OPCML: variants seen among roughly 807,000 people sequenced by gnomAD.
OPCML encodes opioid-binding protein/cell adhesion molecule.
A neutral mutation model predicts 37.8 loss-of-function variants in OPCML; 13 were observed. That is an observed-to-expected ratio of 0.34 (90% confidence interval 0.22 to 0.55). OPCML has a LOEUF of 0.55. OPCML is among the 20% of genes least tolerant of loss of function. The pLI, the probability that OPCML is intolerant of heterozygous loss-of-function variation, is 0.91. For synonymous variants in OPCML, 176 were observed against 168.8 expected, an observed-to-expected ratio of 1.04 and a Z score of -0.33; for missense variants, 341 against 435.6, an observed-to-expected ratio of 0.78 and a Z score of 1.93.
intron 1 of OPCML, among the ~76,000 whole-genome samples, chr11:132,971,789 C>T (rs935342216): frequency 6.6e-6 from 1 of 152,136 alleles, no homozygotes; most frequent in Non-Finnish European, 1.5e-5. Context: ...CTCCCGCCTC[C>T]AAACCACACC....
intron 1 of OPCML, among the ~76,000 whole-genome samples, chr11:133,336,153 G>T (rs1943739286): frequency 6.6e-6 from 1 of 152,188 alleles, no homozygotes; most frequent in African/African-American, 2.4e-5. Context: ...ATGTAAAAAA[G>T]TGAAGGCCGC....
intron 2 of OPCML, among the ~76,000 whole-genome samples, chr11:132,771,404 T>C (rs1045005798): frequency 2.6e-5 from 4 of 152,108 alleles, no homozygotes; most frequent in Non-Finnish European, 5.9e-5. Context: ...ATAAATCAAT[T>C]AGCCGATTAT....
At chr11:132,915,691 T>A (rs921889874) in intron 2 of OPCML, among the ~76,000 whole-genome samples, 1 of 152,226 alleles carries the variant, frequency 6.6e-6, no homozygotes, top group African/African-American at 2.4e-5. Context: ...TAATTTGTAT[T>A]TAGTGCTTTA....
chr11:132,892,667 T>A (rs1394592860), intron 2 of OPCML, among the ~76,000 whole-genome samples: 1 of 152,152 alleles, frequency 6.6e-6, no homozygotes, highest in African/African-American at 2.4e-5. Context: ...CTCGGGAGGC[T>A]GAGGCAAGAG....
intron 4 of OPCML, among the ~76,000 whole-genome samples, chr11:132,439,472 G>A (rs2096024615): frequency 6.6e-6 from 1 of 152,304 alleles, no homozygotes; most frequent in African/African-American, 2.4e-5. Flanking sequence ...ATCCAGGCTA[G>A]TTCATACACT....
intron 1 of OPCML, among the ~76,000 whole-genome samples, chr11:133,454,783 A>G (rs970186338): frequency 6.6e-6 from 1 of 152,200 alleles, no homozygotes. Flanking sequence ...ACATTCATTT[A>G]TCTTTACTGG....
chr11:133,243,447 T>C (rs1565525743), intron 1 of OPCML, among the ~76,000 whole-genome samples: 1 of 152,162 alleles, frequency 6.6e-6, no homozygotes, highest in Non-Finnish European at 1.5e-5. Flanking sequence ...GTGAGAACCA[T>C]TTATTCTTCC....
At chr11:133,375,128 C>G (rs7933867) in intron 1 of OPCML, among the ~76,000 whole-genome samples, 37,660 of 152,156 alleles carry the variant, frequency 0.25, 6,730 homozygotes, top group African/African-American at 0.51. Flanking sequence ...TGCTCCCCAC[C>G]GCATGATCCA....
chr11:132,483,882 G>T (rs1258261231), intron 4 of OPCML, among the ~76,000 whole-genome samples: 1 of 151,796 alleles, frequency 6.6e-6, no homozygotes, highest in Non-Finnish European at 1.5e-5. Context: ...AGCTGAAACT[G>T]GATCCCTTCC....
chr11:132,665,958 T>A (rs1406889478), intron 2 of OPCML, among the ~76,000 whole-genome samples: 3 of 152,164 alleles, frequency 2.0e-5, no homozygotes, highest in Admixed American at 1.3e-4. Flanking sequence ...TTAACAAATA[T>A]TTAGTAAGCA....
At chr11:132,747,742 T>C (rs187598823) in intron 2 of OPCML, among the ~76,000 whole-genome samples, 26 of 152,248 alleles carry the variant, frequency 1.7e-4, no homozygotes, top group Non-Finnish European at 2.8e-4. Context: ...TCAACCTAAA[T>C]AAGAAAGAGT....
chr11:132,930,082 G>A (rs1945147665), intron 2 of OPCML, among the ~76,000 whole-genome samples: 1 of 152,048 alleles, frequency 6.6e-6, no homozygotes, highest in Non-Finnish European at 1.5e-5. Context: ...GAAAAAGACG[G>A]GCTGGGTGCA....
chr11:132,719,389 C>A (rs1406377064), intron 2 of OPCML, among the ~76,000 whole-genome samples: 1 of 152,190 alleles, frequency 6.6e-6, no homozygotes, highest in South Asian at 2.1e-4. Context: ...GAGAGACTGA[C>A]GAGAACCTGA....
At chr11:132,811,830 A>G (rs757040376) in intron 2 of OPCML, among the ~76,000 whole-genome samples, 2 of 152,210 alleles carry the variant, frequency 1.3e-5, no homozygotes, top group Non-Finnish European at 2.9e-5. Context: ...AAAACCATCC[A>G]TGGGTGTGAA....
chr11:132,766,130 G>A (rs114795948), intron 2 of OPCML, among the ~76,000 whole-genome samples: 1 of 151,180 alleles, frequency 6.6e-6, no homozygotes, highest in Admixed American at 6.6e-5. Flanking sequence ...ATGTTGTAAA[G>A]GGGAAAGTTC....
At chr11:133,241,786 C>A (rs911131607) in intron 1 of OPCML, among the ~76,000 whole-genome samples, 1 of 152,192 alleles carries the variant, frequency 6.6e-6, no homozygotes, top group Non-Finnish European at 1.5e-5. Context: ...GGTTCACCAC[C>A]CACTGCGGGC....
intron 4 of OPCML, among the ~76,000 whole-genome samples, chr11:132,483,574 T>C (rs2096188510): frequency 6.6e-6 from 1 of 152,068 alleles, no homozygotes; most frequent in Non-Finnish European, 1.5e-5. Context: ...TACTTTAAAG[T>C]TCATATGGAA....
intron 1 of OPCML, among the ~76,000 whole-genome samples, chr11:133,203,026 T>A (rs560037205): frequency 2.6e-5 from 4 of 152,318 alleles, no homozygotes; most frequent in Admixed American, 2.6e-4. Context: ...GACTAGCAGT[T>A]TCTGCTGTTA....
intron 1 of OPCML, among the ~76,000 whole-genome samples, chr11:133,248,570 T>C (rs1941028327): frequency 6.6e-6 from 1 of 152,226 alleles, no homozygotes. Context: ...GCAGCTGTGC[T>C]CAGAATCCTG....
Sources: gnomAD v4.1 joint callset for allele counts (sites outside exome capture counted in the v4.1 genomes callset) on GRCh38, gnomAD v4.1.1 for gene constraint, MANE v1.5 for transcripts, NCBI Gene and HGNC (gene_info 2026-07-23, HGNC 2026-07-21) for gene names.